DIAPH2: variants seen among roughly 807,000 people sequenced by gnomAD.
DIAPH2 encodes the protein protein diaphanous homolog 2.
DIAPH2 carries 35 observed loss-of-function variants against 92.7 expected under a neutral mutation model. The observed-to-expected ratio is 0.38, with a 90% CI of 0.29 to 0.50. The LOEUF is 0.50. DIAPH2 is among the 20% of genes least tolerant of loss of function. DIAPH2 has a pLI of 0.94. For synonymous variants in DIAPH2, 301 were observed against 280.4 expected (o/e 1.07, Z -0.73); for missense variants, 701 against 819.5 (o/e 0.86, Z 1.77).
intron 22 of DIAPH2, among the ~76,000 whole-genome samples, chrX:97,200,216 A>T (rs754542700): frequency 8.9e-6 from 1 of 112,377 alleles, no homozygotes. Context: ...ATTCCCTCGT[A>T]TGCCTGCACT....
At chrX:97,090,191 G>A (rs2066812929) in intron 19 of DIAPH2, among the ~76,000 whole-genome samples, 1 of 108,643 alleles carries the variant, frequency 9.2e-6, no homozygotes, top group Admixed American at 9.8e-5. Flanking sequence ...ATTTGTAATT[G>A]TTGTAGGATT....
intron 26 of DIAPH2, among the ~76,000 whole-genome samples, chrX:97,498,053 A>G (rs1406986118): frequency 1.8e-5 from 2 of 111,622 alleles, no homozygotes; most frequent in African/African-American, 6.5e-5. Flanking sequence ...TGGAAGTCTG[A>G]CAGCACCTCT....
At chrX:97,334,993 C>CAAAAAAAAAA (rs1314227612) in intron 23 of DIAPH2, among the ~76,000 whole-genome samples, 40 of 6,626 alleles carry the variant, frequency 6.0e-3, no homozygotes, top group South Asian at 0.029. Context: ...AAAACAAAAA[C>CAAAAAAAAAA]AAAACAAAAA....
chrX:97,258,739 C>T lies in DIAPH2; in HGVS notation c.2844+10900C>T, dbSNP rs191938351. 7.3e-3 allele frequency among the ~76,000 whole-genome samples: 765 copies of T among 104,964 alleles called. 9 individuals carry two copies. The highest frequency in any genetic ancestry group is 0.026 in the African/African-American group (730 of 28,505). 91.1% of individuals were successfully genotyped at this position (104,964 alleles called of 115,157 possible). A position where few individuals can be genotyped will look rare whatever the true frequency, so the allele number is the denominator to read the frequency against. On this transcript the variant is annotated intron_variant, in intron 23 of 26. Transcript: ENST00000324765. ...AAAAAAAATTAGCCGGTCGTGGTGG[C>T]GGGCGCCTGTAGTCCCAGCTACTCG...
intron 26 of DIAPH2, among the ~76,000 whole-genome samples, chrX:97,484,065 AATAT>A (rs1202655098): frequency 9.0e-6 from 1 of 111,364 alleles, no homozygotes; most frequent in Non-Finnish European, 1.9e-5. Flanking sequence ...GTACCCCATA[AATAT>A]ATATAGTTAT....
At chrX:96,949,236 G>A (rs2065757100) in intron 15 of DIAPH2, among the ~76,000 whole-genome samples, 197 bp downstream of exon 15, 1 of 111,228 alleles carries the variant, frequency 9.0e-6, no homozygotes, top group African/African-American at 3.3e-5. Context: ...TAAAGCATTA[G>A]TTGCTCAAAT....
intron 1 of DIAPH2, among the ~76,000 whole-genome samples, chrX:96,705,362 T>C (rs2063879569): frequency 9.0e-6 from 1 of 111,430 alleles, no homozygotes; most frequent in South Asian, 3.7e-4. Flanking sequence ...AAAATAAAAA[T>C]TAAAAGAAAA....
rs1438400146 is a variant in DIAPH2 at position 97,288,666 on chromosome X, G to A, written c.2844+40827G>A. On this transcript the variant is annotated intron_variant, in intron 23 of 26. Coordinates refer to ENST00000324765, the MANE Select transcript of DIAPH2 (RefSeq NM_006729.5). Reference sequence around the variant, plus strand: ...TGAGGCAGGAGAATCGCTTGAACCTGGGAGGCACAGGTTGCAGTGAGCTGA... The same window carrying A: ...TGAGGCAGGAGAATCGCTTGAACCTAGGAGGCACAGGTTGCAGTGAGCTGA... Among the ~76,000 whole-genome samples, 4 of 107,558 alleles carry A rather than the reference G, an allele frequency of 3.7e-5. No individual in the cohort carries two copies. In the East Asian group the frequency reaches 1.2e-3, roughly 31 times the overall value. 93.4% of individuals were successfully genotyped at this position (107,558 alleles called of 115,157 possible).
At chrX:96,935,489 A>G (rs1178359860) in intron 10 of DIAPH2, among the ~76,000 whole-genome samples, 1 of 111,346 alleles carries the variant, frequency 9.0e-6, no homozygotes, top group East Asian at 2.8e-4. Context: ...TTGATGAGAA[A>G]AGAAAATTGG....
chrX:97,510,981 T>A (rs1274530308), intron 26 of DIAPH2, among the ~76,000 whole-genome samples: 15 of 109,445 alleles, frequency 1.4e-4, no homozygotes, highest in Non-Finnish European at 2.7e-4. Context: ...TAGGATTGTC[T>A]TGGCAATGTG....
At chrX:97,383,830 G>A in intron 24 of DIAPH2, 79 bp from the exon 25 acceptor site, 2 of 923,564 alleles carry the variant, frequency 2.2e-6, no homozygotes, top group Non-Finnish European at 1.5e-6. Context: ...GAAGCAGTGA[G>A]AGAAAATTCA....
intron 13 of DIAPH2, 72 bp from the exon 14 acceptor site, chrX:96,945,455 T>C: frequency 5.4e-6 from 4 of 741,345 alleles, no homozygotes; most frequent in Non-Finnish European, 6.0e-6. Flanking sequence ...TGCAGAGTTA[T>C]AGGCTAGAAG....
intron 22 of DIAPH2, among the ~76,000 whole-genome samples, chrX:97,186,117 T>G (rs1426744119): frequency 1.8e-5 from 2 of 112,064 alleles, no homozygotes; most frequent in Non-Finnish European, 1.9e-5. Flanking sequence ...CCCTGATAAA[T>G]TTAATTTTTG....
intron 5 of DIAPH2, among the ~76,000 whole-genome samples, chrX:96,909,098 A>T (rs758340435): frequency 1.3e-4 from 15 of 111,779 alleles, no homozygotes; most frequent in African/African-American, 4.9e-4. Context: ...TAGTTAAAAC[A>T]TACACTTCTA....
chrX:97,472,981 A>G (rs2070575000), intron 26 of DIAPH2, among the ~76,000 whole-genome samples: 1 of 111,366 alleles, frequency 9.0e-6, no homozygotes, highest in Admixed American at 9.6e-5. Context: ...TCTTTTCTCC[A>G]CTTATATAAG....
At chrX:96,946,196 G>A (rs2065737365) in intron 14 of DIAPH2, among the ~76,000 whole-genome samples, 1 of 111,662 alleles carries the variant, frequency 9.0e-6, no homozygotes, top group South Asian at 3.7e-4. Flanking sequence ...TGCCAGCTTT[G>A]TGAATATCCG....
chrX:97,138,687 T>C (rs1344318374), intron 21 of DIAPH2, among the ~76,000 whole-genome samples: 1 of 111,909 alleles, frequency 8.9e-6, no homozygotes, highest in Non-Finnish European at 1.9e-5. Context: ...ATATTTCCCA[T>C]TTCTAGAACT....
At chrX:97,116,309 G>T (rs1482296013) in intron 21 of DIAPH2, among the ~76,000 whole-genome samples, 1 of 111,947 alleles carries the variant, frequency 8.9e-6, no homozygotes, top group Non-Finnish European at 1.9e-5. Flanking sequence ...ATTTTTGAGG[G>T]CTGTAAGGAA....
chrX:97,275,527 G>A (rs1454869860), intron 23 of DIAPH2, among the ~76,000 whole-genome samples: 2 of 103,880 alleles, frequency 1.9e-5, no homozygotes, highest in Non-Finnish European at 4.0e-5. Flanking sequence ...CAGACGGGGC[G>A]GCTGCCGGGC....
Sources: allele counts gnomAD v4.1 joint callset (sites outside exome capture counted in the v4.1 genomes callset), GRCh38; gene constraint gnomAD v4.1.1; transcripts MANE v1.5; gene names NCBI Gene and HGNC (gene_info 2026-07-23, HGNC 2026-07-21).